The following ASCC1 variants were observed in gnomAD, a reference collection of about 807,000 sequenced individuals.
The protein encoded by ASCC1 is activating signal cointegrator 1 complex subunit 1, also known as ASC-1 complex subunit P50.
A neutral mutation model predicts 46.6 loss-of-function variants in ASCC1; 35 were observed. The observed-to-expected ratio is 0.75, with a 90% CI of 0.57 to 0.99. The LOEUF (loss-of-function observed/expected upper bound fraction) is 0.99, where lower values mean the gene tolerates loss of function less well. Among genes scored for constraint, ASCC1 ranks in the 50% least tolerant of loss-of-function variants. The probability of loss-of-function intolerance (pLI) is 0.00; values close to 1 mark genes in which losing one functional copy is unlikely to be tolerated. For missense variants in ASCC1, 376 were observed against 428.7 expected (o/e 0.88, Z 1.09); for synonymous variants, 143 against 146.6 (o/e 0.98, Z 0.18).
intron 5 of ASCC1, among the ~76,000 whole-genome samples, chr10:72,187,096 C>T (rs927363274): frequency 6.6e-6 from 1 of 152,110 alleles, no homozygotes. Context: ...GCCCCTACTC[C>T]CCAAAACAGT....
chr10:72,203,486 A>G lies in ASCC1; in HGVS notation c.251T>C (p.Ile84Thr). Residue 84 changes from isoleucine (I) to threonine (T), a missense_variant, in exon 4 of 10, where the codon ATA becomes ACA. By Grantham distance (89) the Ile-to-Thr change is moderately conservative. Coordinates refer to ENST00000672957, the MANE Select transcript of ASCC1 (RefSeq NM_001198800.3). ...AATAGAAGTTTTGGTCTCCATTTCT[A>G]TTTTCTTCCTAGTGTCCCCTCTCTT... Reference protein sequence around the residue: ...VGKRGDTRKKIEMETKTSISI... With the variant: ...VGKRGDTRKKTEMETKTSISI... The G allele has an allele frequency of 6.2e-7, 1 of 1,613,332 alleles. No homozygotes were observed. The highest frequency in any genetic ancestry group is 8.5e-7 in the Non-Finnish European group (1 of 1,179,540).
At position 72,097,434 on chromosome 10, in the gene ASCC1, TAGA is replaced by T; in HGVS notation, c.971_973del (p.Phe324del). The T allele has an allele frequency of 1.2e-6, 2 of 1,609,892 alleles. No homozygotes were observed. The highest frequency in any genetic ancestry group is 1.7e-6 in the Non-Finnish European group (2 of 1,176,172). ...TGAATTCAGCTTTAGGGAGCCAAAGTAGAAGTTCTCAAACAACTGAAAAGGAAG... is the reference window on the plus strand; with the variant it reads ...TGAATTCAGCTTTAGGGAGCCAAAGTAGTTCTCAAACAACTGAAAAGGAAG... On this transcript the variant is annotated inframe_deletion, in exon 10 of 10. Coordinates refer to ENST00000672957, the MANE Select transcript of ASCC1 (RefSeq NM_001198800.3).
chr10:72,195,513 A>C (rs1459999551), intron 5 of ASCC1, among the ~76,000 whole-genome samples: 2 of 151,956 alleles, frequency 1.3e-5, no homozygotes, highest in African/African-American at 2.4e-5. Context: ...GCTTTCAAAA[A>C]AACTAGAATA....
chr10:72,103,751 G>C (rs1271348658), intron 9 of ASCC1, among the ~76,000 whole-genome samples: 1 of 152,086 alleles, frequency 6.6e-6, no homozygotes, highest in African/African-American at 2.4e-5. Context: ...ATCCTTATCT[G>C]TGAAGACATA....
intron 5 of ASCC1, among the ~76,000 whole-genome samples, chr10:72,189,497 T>C (rs999505937): frequency 6.6e-6 from 1 of 152,032 alleles, no homozygotes; most frequent in Non-Finnish European, 1.5e-5. Flanking sequence ...ACTAAGTCCA[T>C]CTGTCTGAAG....
At chr10:72,174,095 C>T (rs1050662888) in intron 5 of ASCC1, among the ~76,000 whole-genome samples, 1 of 152,174 alleles carries the variant, frequency 6.6e-6, no homozygotes, top group Non-Finnish European at 1.5e-5. Context: ...TCCATGCATG[C>T]GAAAGCTTCC....
intron 5 of ASCC1, among the ~76,000 whole-genome samples, chr10:72,176,472 T>C (rs1851870442): frequency 6.6e-6 from 1 of 152,040 alleles, no homozygotes; most frequent in Non-Finnish European, 1.5e-5. Flanking sequence ...GCCTCCCAAG[T>C]AGCTGGGACC....
At chr10:72,136,800 C>T (rs745755410) in intron 7 of ASCC1, among the ~76,000 whole-genome samples, 23 of 152,102 alleles carry the variant, frequency 1.5e-4, no homozygotes, top group Non-Finnish European at 2.5e-4. Flanking sequence ...ATGAACCCAC[C>T]GGAAGGAACA....
chr10:72,205,936 T>C (rs894935047), intron 3 of ASCC1, among the ~76,000 whole-genome samples: 1 of 151,498 alleles, frequency 6.6e-6, no homozygotes, highest in Non-Finnish European at 1.5e-5. Context: ...AAACACCATC[T>C]CTACTAAAAA....
chr10:72,167,036 CA>C (rs1435630600), intron 5 of ASCC1, among the ~76,000 whole-genome samples: 1 of 151,950 alleles, frequency 6.6e-6, no homozygotes, highest in Non-Finnish European at 1.5e-5. Context: ...GGCAGTTACT[CA>C]AAAAATTAAA....
At chr10:72,120,120 C>A (rs7916278) in intron 9 of ASCC1, among the ~76,000 whole-genome samples, 6,574 of 152,038 alleles carry the variant, frequency 0.043, 409 homozygotes, top group African/African-American at 0.13. Flanking sequence ...CCCAGATACT[C>A]GGGAGGCTGA....
At chr10:72,193,467 C>T (rs1169821767) in intron 5 of ASCC1, among the ~76,000 whole-genome samples, 1 of 151,630 alleles carries the variant, frequency 6.6e-6, no homozygotes, top group African/African-American at 2.4e-5. Context: ...CACACACACA[C>T]ACACACACAC....
At chr10:72,180,284 GAAAAAAAGAAA>G (rs1852408806) in intron 5 of ASCC1, among the ~76,000 whole-genome samples, 1 of 141,370 alleles carries the variant, frequency 7.1e-6, no homozygotes. Context: ...GTCTTAAAAA[GAAAAAAAGAAA>G]AAAAAAAGAA....
At chr10:72,179,227 T>C (rs1217324916) in intron 5 of ASCC1, among the ~76,000 whole-genome samples, 1 of 152,152 alleles carries the variant, frequency 6.6e-6, no homozygotes, top group Non-Finnish European at 1.5e-5. Context: ...TCTCAAACTC[T>C]TGGGTTCAAC....
In ASCC1 at chr10:72,145,058, A is replaced by T. The variant is rs185058361; in HGVS notation, c.746+7811T>A. 3.5e-4 allele frequency among the ~76,000 whole-genome samples: 54 copies of T among 152,212 alleles called. 1 individual carries two copies. In the East Asian group the frequency reaches 0.01, roughly 28 times the overall value. ...TGTTTAAATATTTTGTTTTTTCCTG[A>T]GTACACAATTCCAGGTTGCCAGTTG... On this transcript the variant is annotated intron_variant, in intron 7 of 9. Transcript: ENST00000672957.
At chr10:72,162,831 T>C (rs1298286696) in intron 5 of ASCC1, among the ~76,000 whole-genome samples, 2 of 151,616 alleles carry the variant, frequency 1.3e-5, no homozygotes, top group East Asian at 3.9e-4. Context: ...TAATCCCACA[T>C]ACTCGGGAGG....
intron 5 of ASCC1, among the ~76,000 whole-genome samples, chr10:72,167,033 A>G (rs966167392): frequency 3.9e-5 from 6 of 152,200 alleles, no homozygotes; most frequent in African/African-American, 1.4e-4. Flanking sequence ...TTTGGCAGTT[A>G]CTCAAAAAAT....
chr10:72,183,006 A>T (rs1292282352), intron 5 of ASCC1, among the ~76,000 whole-genome samples: 1 of 115,864 alleles, frequency 8.6e-6, no homozygotes. Flanking sequence ...ATTTCCAATA[A>T]AAAAAAAAGG....
intron 5 of ASCC1, among the ~76,000 whole-genome samples, chr10:72,187,737 A>C (rs1853708336): frequency 6.7e-6 from 1 of 149,576 alleles, no homozygotes; most frequent in Non-Finnish European, 1.5e-5. Context: ...AAAAAAAAAA[A>C]AAAAACTGGT....
Sources: gnomAD v4.1 joint callset for allele counts (sites outside exome capture counted in the v4.1 genomes callset) on GRCh38, gnomAD v4.1.1 for gene constraint, MANE v1.5 for transcripts, NCBI Gene and HGNC (gene_info 2026-07-23, HGNC 2026-07-21) for gene names.